ERLIN2: variants seen among roughly 807,000 people sequenced by gnomAD.
The protein encoded by ERLIN2 is erlin-2.
In ERLIN2, 22 loss-of-function variants were observed where a neutral mutation model predicts 41.5. The ratio of observed to expected loss-of-function variants is 0.53; its 90% CI spans 0.38 to 0.76. The LOEUF is 0.76. Among genes scored for constraint, ERLIN2 ranks in the 30% least tolerant of loss-of-function variants. The pLI is 0.00. For synonymous variants in ERLIN2, 149 were observed against 150.9 expected (o/e 0.99, Z 0.09); for missense variants, 247 against 414.3 (o/e 0.60, Z 3.51).
chr8:37,743,438 G>A (rs1802924772), intron 4 of ERLIN2, among the ~76,000 whole-genome samples: 1 of 152,192 alleles, frequency 6.6e-6, no homozygotes, highest in Non-Finnish European at 1.5e-5. Flanking sequence ...CTCTGTATGT[G>A]CAAGAAGAGA....
intron 9 of ERLIN2, 73 bp from the exon 10 acceptor site, chr8:37,751,553 C>T: frequency 3.0e-6 from 4 of 1,333,636 alleles, no homozygotes; most frequent in Non-Finnish European, 4.3e-6. Context: ...CCAGGACACT[C>T]AGCTCGGGTG....
At chr8:37,736,806 G>C (rs1802658876) in intron 1 of ERLIN2, 128 bp downstream of exon 1, 2 of 985,886 alleles carry the variant, frequency 2.0e-6, no homozygotes, top group Non-Finnish European at 2.4e-6. Flanking sequence ...CTCCTGGAGA[G>C]AGACAGAAAC....
At chr8:37,744,957 G>A in intron 6 of ERLIN2, 1 of 623,148 alleles carries the variant, frequency 1.6e-6, no homozygotes, top group Non-Finnish European at 2.9e-6. Flanking sequence ...GCCTCAATCA[G>A]AGGCTGGAGT....
chr8:37,737,704 G>T, intron 1 of ERLIN2: 1 of 579,870 alleles, frequency 1.7e-6, no homozygotes, highest in Non-Finnish European at 3.0e-6. Flanking sequence ...AGTGCGGTGG[G>T]GGCTCTAATT....
At chr8:37,746,206 C>G in intron 6 of ERLIN2, 1 of 986,014 alleles carries the variant, frequency 1.0e-6, no homozygotes, top group Non-Finnish European at 1.2e-6. Context: ...CCCTTCAACT[C>G]AGAAGGTTCT....
At chr8:37,739,049 C>T (rs1247534605) in intron 2 of ERLIN2, among the ~76,000 whole-genome samples, 1 of 151,926 alleles carries the variant, frequency 6.6e-6, no homozygotes, top group Non-Finnish European at 1.5e-5. Context: ...TAATATAAAG[C>T]AAAGAAGCAC....
chr8:37,747,648 G>A (rs1439108041), intron 6 of ERLIN2: 4 of 1,607,468 alleles, frequency 2.5e-6, no homozygotes, highest in East Asian at 2.2e-5. Flanking sequence ...CAAACTTGAC[G>A]ACTGCTCCAT....
At chr8:37,740,508 G>A in intron 3 of ERLIN2, 62 bp downstream of exon 3, 1 of 1,200,572 alleles carries the variant, frequency 8.3e-7, no homozygotes, top group Non-Finnish European at 1.2e-6. Context: ...ACTAGTGCAT[G>A]ATTTGAAATT....
At chr8:37,749,068 G>C (rs1255009242) in intron 6 of ERLIN2, among the ~76,000 whole-genome samples, 1 of 152,168 alleles carries the variant, frequency 6.6e-6, no homozygotes, top group African/African-American at 2.4e-5. Context: ...TGACGTCAAA[G>C]TCTGTTTTTC....
rs1053689908 is a variant in ERLIN2 at position 37,741,284 on chromosome 8, A to T, written c.190-488A>T. 1.3e-5 allele frequency among the ~76,000 whole-genome samples: 2 copies of T among 152,208 alleles called. No homozygotes were observed. Among genetic ancestry groups the T allele is most frequent in the African/African-American group, 2.4e-5 (1 of 41,442 alleles). ...CAATAAGATATTTTGAGAGAGAGAG[A>T]GAGAGACCACCTTCAAATAACTTTT... On this transcript the variant is annotated intron_variant, in intron 3 of 11. Coordinates refer to ENST00000519638, the MANE Select transcript of ERLIN2 (RefSeq NM_007175.8). This position sits in a 1 kb window ranked among gnomAD's most constrained non-coding sequence, Gnocchi z 4.8.
chr8:37,738,459 G>A lies in ERLIN2; in HGVS notation c.107+430G>A, dbSNP rs565503851. 2.0e-5 allele frequency among the ~76,000 whole-genome samples: 3 copies of A among 152,250 alleles called. No individual in the cohort carries two copies. In the East Asian group the frequency reaches 5.8e-4, roughly 29 times the overall value. The stretch of plus-strand genomic sequence containing the variant: ...TAGGTTACCTTTACAAAAGCCAGCT[G>A]AGTACCAGTTCTTGATGGCAACTTG... On this transcript the variant is annotated intron_variant, in intron 2 of 11. Transcript: ENST00000519638.
At chr8:37,745,635 C>G in intron 6 of ERLIN2, 1 of 1,613,948 alleles carries the variant, frequency 6.2e-7, no homozygotes, top group Non-Finnish European at 8.5e-7. Flanking sequence ...TTTTTCATAG[C>G]AGACAGGAGG....
chr8:37,740,801 C>T (rs1013651727), intron 3 of ERLIN2: 2 of 152,814 alleles, frequency 1.3e-5, no homozygotes, highest in Non-Finnish European at 2.9e-5. Context: ...TTCAGAAATA[C>T]GAACATAATT....
At chr8:37,749,470 G>T (rs1803164249) in intron 6 of ERLIN2, 89 bp from the exon 7 acceptor site, 1 of 874,178 alleles carries the variant, frequency 1.1e-6, no homozygotes, top group African/African-American at 1.6e-5. Flanking sequence ...TTCTTGAGCT[G>T]GTGATTGAGC....
chr8:37,742,850 CAAA>C (rs1477206504), intron 4 of ERLIN2, among the ~76,000 whole-genome samples: 1 of 151,476 alleles, frequency 6.6e-6, no homozygotes, highest in Non-Finnish European at 1.5e-5. Context: ...ACGTTAAAAA[CAAA>C]AAAAGAAGTG....
intron 6 of ERLIN2, among the ~76,000 whole-genome samples, chr8:37,749,177 C>T (rs987529931): frequency 2.0e-5 from 3 of 152,200 alleles, no homozygotes; most frequent in Admixed American, 2.0e-4. Flanking sequence ...AACTGTGAAC[C>T]TTCCTTCTCT....
At chr8:37,749,472 T>C in intron 6 of ERLIN2, 87 bp from the exon 7 acceptor site, 6 of 879,742 alleles carry the variant, frequency 6.8e-6, no homozygotes, top group Non-Finnish European at 1.2e-5. Flanking sequence ...CTTGAGCTGG[T>C]GATTGAGCTT....
In ERLIN2 at chr8:37,741,823, G is replaced by T. The variant is rs1027228468; in HGVS notation, c.236+5G>T. On this transcript the variant is annotated splice_donor_5th_base_variant and intron_variant, in intron 4 of 11. Coordinates refer to ENST00000519638, the MANE Select transcript of ERLIN2 (RefSeq NM_007175.8). This position sits in a 1 kb window ranked among gnomAD's most constrained non-coding sequence, Gnocchi z 4.8. ...GAATGTACCTTGTGGGACTAGGTAA[G>T]GTACCCAGAATAAAGCTTTTAAGCC... The T allele has an allele frequency of 5.0e-6, 8 of 1,610,742 alleles. No homozygotes were observed. In the African/African-American group the frequency reaches 1.1e-4, roughly 22 times the overall value.
chr8:37,751,950 G>A (rs1481140774), intron 10 of ERLIN2, among the ~76,000 whole-genome samples: 1 of 152,204 alleles, frequency 6.6e-6, no homozygotes, highest in African/African-American at 2.4e-5. Flanking sequence ...TGGAGTGCCA[G>A]TATGTGCCCA....
Sources: allele counts gnomAD v4.1 joint callset (sites outside exome capture counted in the v4.1 genomes callset), GRCh38; gene constraint gnomAD v4.1.1; non-coding constraint Gnocchi (gnomAD v3.1); transcripts MANE v1.5; gene names NCBI Gene and HGNC (gene_info 2026-07-23, HGNC 2026-07-21).